Variants in NCKAP5 observed in about 807,000 individuals in gnomAD.
The protein encoded by NCKAP5 is NCK associated protein 5.
NCKAP5 carries 92 observed loss-of-function variants against 167.0 expected under a neutral mutation model. That is an observed-to-expected ratio of 0.55 (90% confidence interval 0.47 to 0.66). The LOEUF (loss-of-function observed/expected upper bound fraction) is 0.66, where lower values mean the gene tolerates loss of function less well. Ranked by LOEUF, NCKAP5 falls within the 30% of genes least tolerant of loss-of-function variation. The pLI is 0.00. For synonymous variants in NCKAP5, 891 were observed against 877.4 expected, an observed-to-expected ratio of 1.02 and a Z score of -0.27; for missense variants, 2,378 against 2,315.0, an observed-to-expected ratio of 1.03 and a Z score of -0.56.
chr2:132,817,573 T>C (rs1686375526), intron 11 of NCKAP5, among the ~76,000 whole-genome samples: 3 of 152,230 alleles, frequency 2.0e-5, no homozygotes, highest in Non-Finnish European at 2.9e-5. Flanking sequence ...GGGAGACCAA[T>C]GGTGAATTCT....
intron 6 of NCKAP5, among the ~76,000 whole-genome samples, chr2:133,050,020 G>A (rs1041441440): frequency 6.6e-6 from 1 of 152,250 alleles, no homozygotes; most frequent in African/African-American, 2.4e-5. Context: ...ACATCCTTTT[G>A]AGTGGAAGGG....
At chr2:133,274,960 A>T (rs1168821393) in intron 4 of NCKAP5, among the ~76,000 whole-genome samples, 2 of 147,178 alleles carry the variant, frequency 1.4e-5, no homozygotes, top group Non-Finnish European at 3.0e-5. Flanking sequence ...AAAACTTTGT[A>T]AAAAAAAAAC....
At chr2:132,825,957 T>A (rs533817101) in intron 11 of NCKAP5, among the ~76,000 whole-genome samples, 1 of 152,354 alleles carries the variant, frequency 6.6e-6, no homozygotes, top group East Asian at 1.9e-4. Flanking sequence ...CATGCTACAG[T>A]GCTCACTTGC....
At chr2:133,406,949 C>G (rs374489244) in intron 3 of NCKAP5, among the ~76,000 whole-genome samples, 1 of 103,926 alleles carries the variant, frequency 9.6e-6, no homozygotes. Flanking sequence ...CTGGTTAGCA[C>G]AGTTTTTAAT....
chr2:132,916,844 G>T (rs1694919125), intron 8 of NCKAP5, among the ~76,000 whole-genome samples: 1 of 150,570 alleles, frequency 6.6e-6, no homozygotes. Flanking sequence ...TTTTGGAGGG[G>T]TTAGAATAAC....
intron 2 of NCKAP5, among the ~76,000 whole-genome samples, chr2:133,540,060 A>G (rs1686097334): frequency 6.6e-6 from 1 of 152,196 alleles, no homozygotes; most frequent in Non-Finnish European, 1.5e-5. Context: ...CGTCCCTGAC[A>G]GTCCCAGCTA....
chr2:133,171,487 G>C (rs1191850483), intron 5 of NCKAP5, among the ~76,000 whole-genome samples: 2 of 152,192 alleles, frequency 1.3e-5, no homozygotes, highest in Non-Finnish European at 2.9e-5. Flanking sequence ...TCACCCAAGA[G>C]AGAGGTCTGG....
chr2:133,197,354 G>A (rs2085482535), intron 5 of NCKAP5, among the ~76,000 whole-genome samples: 1 of 152,154 alleles, frequency 6.6e-6, no homozygotes, highest in African/African-American at 2.4e-5. Flanking sequence ...GGTGATATTA[G>A]AGCCACAGCC....
At chr2:132,876,265 A>AT (rs1439066091) in intron 9 of NCKAP5, among the ~76,000 whole-genome samples, 4 of 151,552 alleles carry the variant, frequency 2.6e-5, no homozygotes, top group East Asian at 1.9e-4. Flanking sequence ...TTATGATTTT[A>AT]TTTTTTTTAT....
Position 132,782,358 on chromosome 2 carries a change from C to G in NCKAP5, c.4453G>C (p.Glu1485Gln), listed in dbSNP as rs199603957. 6.2e-7 allele frequency: 1 copy of G among 1,614,038 alleles called. No homozygotes were observed. Among genetic ancestry groups the G allele is most frequent in the Non-Finnish European group, 8.5e-7 (1 of 1,179,914 alleles). ...KVMLCIQENV[E>Q]KGQVQTKPTS... ...GGCTTTGTTTGCACTTGGCCCTTTTCCACATTTTCCTGAATGCACAACATG... is the reference window on the plus strand; with the variant it reads ...GGCTTTGTTTGCACTTGGCCCTTTTGCACATTTTCCTGAATGCACAACATG... Residue 1485 changes from glutamate (E) to glutamine (Q), a missense_variant, in exon 14 of 20, where the codon GAA becomes CAA. By Grantham distance (29) the Glu-to-Gln change is conservative. Around this residue, in one of 3 missense-constraint regions of NCKAP5, gnomAD observed 1,325 missense variants for 1,274.5 expected, o/e 1.04. Coordinates refer to ENST00000409261, the MANE Select transcript of NCKAP5 (RefSeq NM_207363.3).
chr2:132,772,850 G>GA, intron 16 of NCKAP5, among the ~76,000 whole-genome samples: 1 of 152,340 alleles, frequency 6.6e-6, no homozygotes, highest in Middle Eastern at 3.4e-3. Context: ...GAGTATGCTA[G>GA]AAAATCAGCC....
At chr2:132,949,023 A>AGAAAT (rs2076095635) in intron 8 of NCKAP5, among the ~76,000 whole-genome samples, 4 of 149,964 alleles carry the variant, frequency 2.7e-5, no homozygotes, top group African/African-American at 5.0e-5. Flanking sequence ...AGAAAAGAAA[A>AGAAAT]GAAAAGAAAA....
intron 5 of NCKAP5, among the ~76,000 whole-genome samples, chr2:133,149,499 C>T (rs2083309666): frequency 6.6e-6 from 1 of 150,780 alleles, no homozygotes; most frequent in Non-Finnish European, 1.5e-5. Context: ...CTCATTTGCT[C>T]GTCAAATTGC....
intron 19 of NCKAP5, among the ~76,000 whole-genome samples, chr2:132,723,387 C>A (rs902848103): frequency 2.6e-5 from 4 of 151,866 alleles, no homozygotes; most frequent in Admixed American, 6.6e-5. Context: ...TGGTCTCGAA[C>A]TCCTGACCTT....
At chr2:133,284,274 C>CA (rs2090029198) in intron 4 of NCKAP5, among the ~76,000 whole-genome samples, 1 of 151,806 alleles carries the variant, frequency 6.6e-6, no homozygotes, top group Non-Finnish European at 1.5e-5. Context: ...GTGTTTAGGA[C>CA]AAATAAAAGG....
At chr2:132,931,126 C>T (rs1696344671) in intron 8 of NCKAP5, 1 of 152,186 alleles carries the variant, frequency 6.6e-6, no homozygotes, top group Non-Finnish European at 1.5e-5. Flanking sequence ...AAATAGTGTG[C>T]TAGCCTGTGA....
chr2:132,880,282 C>T (rs559106906), intron 8 of NCKAP5, among the ~76,000 whole-genome samples: 20 of 152,188 alleles, frequency 1.3e-4, no homozygotes, highest in African/African-American at 3.1e-4. Context: ...CTAACAACAA[C>T]GTATTGAATA....
At chr2:133,092,022 C>G (rs990733331) in intron 6 of NCKAP5, among the ~76,000 whole-genome samples, 2 of 152,176 alleles carry the variant, frequency 1.3e-5, no homozygotes, top group African/African-American at 4.8e-5. Context: ...TTTCAATGGT[C>G]TCATCACCCC....
chr2:133,103,278 T>G (rs1559141339), intron 6 of NCKAP5, among the ~76,000 whole-genome samples: 1 of 152,188 alleles, frequency 6.6e-6, no homozygotes, highest in African/African-American at 2.4e-5. Flanking sequence ...CTAAAAGCTG[T>G]GTAGGGCAGT....
Sources: gnomAD v4.1 joint callset for allele counts (sites outside exome capture counted in the v4.1 genomes callset) on GRCh38, gnomAD v4.1.1 for gene constraint, gnomAD v4.1.1 regional missense constraint, MANE v1.5 for transcripts, NCBI Gene and HGNC (gene_info 2026-07-23, HGNC 2026-07-21) for gene names.